The following AUTS2 variants were observed in gnomAD, a reference collection of about 807,000 sequenced individuals.
AUTS2 encodes the protein autism susceptibility gene 2 protein.
AUTS2 carries 17 observed loss-of-function variants against 112.4 expected under a neutral mutation model. The observed-to-expected ratio is 0.15, with a 90% CI of 0.10 to 0.23. AUTS2 has a LOEUF of 0.23. Ranked by LOEUF, AUTS2 falls within the 10% of genes least tolerant of loss-of-function variation. The probability of loss-of-function intolerance (pLI) is 1.00; values close to 1 mark genes in which losing one functional copy is unlikely to be tolerated. For synonymous variants in AUTS2, 751 were observed against 702.7 expected, an observed-to-expected ratio of 1.07 and a Z score of -1.09; for missense variants, 1,510 against 1,701.6, an observed-to-expected ratio of 0.89 and a Z score of 1.98.
chr7:70,065,784 CA>C (rs1802462094), intron 2 of AUTS2, among the ~76,000 whole-genome samples: 1 of 152,178 alleles, frequency 6.6e-6, no homozygotes, highest in African/African-American at 2.4e-5. Context: ...TAGCCTACAG[CA>C]GCCTGAAATT....
intron 4 of AUTS2, among the ~76,000 whole-genome samples, chr7:70,310,481 T>C (rs951330310): frequency 1.7e-4 from 26 of 151,744 alleles, no homozygotes; most frequent in South Asian, 4.2e-4. Flanking sequence ...GGCGTGGTGG[T>C]GGGCGCCTGT....
Position 70,297,415 on chromosome 7 carries a change from A to C in AUTS2, c.661-138337A>C, listed in dbSNP as rs371706111. 2.4e-4 allele frequency among the ~76,000 whole-genome samples: 36 copies of C among 151,624 alleles called. No homozygotes were observed. The East Asian group carries it at 5.8e-3, about 25-fold the overall frequency. ...GAAGTTAGAGCTCAAAATATTGTGAAGAGGAAGATAATTTTTTTTTTTTTT... is the reference window on the plus strand; with the variant it reads ...GAAGTTAGAGCTCAAAATATTGTGACGAGGAAGATAATTTTTTTTTTTTTT... On this transcript the variant is annotated intron_variant, in intron 4 of 18. Transcript: ENST00000342771.
intron 2 of AUTS2, among the ~76,000 whole-genome samples, chr7:70,089,812 C>T (rs1477783935): frequency 6.6e-6 from 1 of 151,712 alleles, no homozygotes; most frequent in Non-Finnish European, 1.5e-5. Context: ...AGTTCAAGGC[C>T]ACCCTGTCCA....
At chr7:69,753,907 C>T (rs933540801) in intron 1 of AUTS2, among the ~76,000 whole-genome samples, 5 of 152,114 alleles carry the variant, frequency 3.3e-5, no homozygotes, top group Admixed American at 6.6e-5. Flanking sequence ...AAGCTGGTGC[C>T]GAACATTGCT....
intron 4 of AUTS2, among the ~76,000 whole-genome samples, chr7:70,299,260 T>G (rs1043422886): frequency 2.6e-5 from 4 of 152,214 alleles, no homozygotes; most frequent in Non-Finnish European, 5.9e-5. Context: ...TTTGGGACAT[T>G]TAGGTCATCT....
At chr7:70,787,140 AAGT>A (rs752365411) in intron 17 of AUTS2, 66 bp from the exon 18 acceptor site, 28 of 1,462,856 alleles carry the variant, frequency 1.9e-5, no homozygotes, top group Non-Finnish European at 2.6e-5. Context: ...GTTTTTTGGT[AAGT>A]ACCTTCATTA....
chr7:70,452,871 T>C (rs1370807747), intron 5 of AUTS2, among the ~76,000 whole-genome samples: 1 of 152,252 alleles, frequency 6.6e-6, no homozygotes, highest in East Asian at 1.9e-4. Context: ...ATTTCACCCA[T>C]GTCCCCCTCC....
At chr7:69,951,713 C>A (rs1435006513) in intron 2 of AUTS2, among the ~76,000 whole-genome samples, 1 of 152,146 alleles carries the variant, frequency 6.6e-6, no homozygotes. Context: ...TTCATTGTTC[C>A]TGTGGGACTT....
rs915809102 is a variant in AUTS2, at chr7:70,066,084, A to C, written c.523-52048A>C. On this transcript the variant is annotated intron_variant, in intron 2 of 18. Transcript: ENST00000342771. ...ACTGATCTTTGCAATCTGTAGGACT[A>C]TTTGGTGCTACAATAATAAGAAATT... Among the ~76,000 whole-genome samples, 3 of 152,206 alleles carry C rather than the reference A, an allele frequency of 2.0e-5. No individual in the cohort carries two copies. In the South Asian group the frequency reaches 6.2e-4, roughly 32 times the overall value.
At chr7:69,763,197 C>G (rs1788268750) in intron 1 of AUTS2, among the ~76,000 whole-genome samples, 2 of 152,168 alleles carry the variant, frequency 1.3e-5, no homozygotes, top group Admixed American at 6.5e-5. Flanking sequence ...ATTGCCTCAG[C>G]ATAGTTGAAT....
intron 5 of AUTS2, among the ~76,000 whole-genome samples, chr7:70,511,061 C>G (rs897826451): frequency 6.6e-6 from 1 of 152,088 alleles, no homozygotes; most frequent in Non-Finnish European, 1.5e-5. Context: ...GTTGGTCAGG[C>G]TAGTCTGGAA....
chr7:70,049,432 T>C (rs1801650140), intron 2 of AUTS2, among the ~76,000 whole-genome samples: 1 of 151,712 alleles, frequency 6.6e-6, no homozygotes, highest in Non-Finnish European at 1.5e-5. Context: ...CAGGTTCAAG[T>C]GATTCTCCTG....
At chr7:69,861,873 A>T (rs1229429950) in intron 1 of AUTS2, among the ~76,000 whole-genome samples, 3 of 152,136 alleles carry the variant, frequency 2.0e-5, no homozygotes, top group African/African-American at 7.2e-5. Context: ...TGGCAGGATA[A>T]CTTGTTTAGA....
intron 2 of AUTS2, among the ~76,000 whole-genome samples, chr7:70,032,308 T>C (rs1468160365): frequency 6.6e-6 from 1 of 152,146 alleles, no homozygotes; most frequent in Non-Finnish European, 1.5e-5. Context: ...ATGGCAAGCA[T>C]TAATGAAACG....
At chr7:70,017,117 G>T in intron 2 of AUTS2, among the ~76,000 whole-genome samples, 1 of 152,160 alleles carries the variant, frequency 6.6e-6, no homozygotes. Context: ...TTGGCATTAG[G>T]CACCAATCTA....
chr7:69,683,371 T>C (rs1313938852), intron 1 of AUTS2, among the ~76,000 whole-genome samples: 1 of 152,198 alleles, frequency 6.6e-6, no homozygotes, highest in Admixed American at 6.5e-5. Context: ...CATTTGCATA[T>C]CAATGCTTGC....
chr7:69,753,650 G>A (rs1429849277), intron 1 of AUTS2, among the ~76,000 whole-genome samples: 2 of 152,206 alleles, frequency 1.3e-5, no homozygotes, highest in African/African-American at 2.4e-5. Context: ...AAACTATGTG[G>A]TGTGGTATTT....
At chr7:70,760,009 T>C (rs1482675565) in intron 6 of AUTS2, among the ~76,000 whole-genome samples, 1 of 143,410 alleles carries the variant, frequency 7.0e-6, no homozygotes, top group African/African-American at 2.6e-5. Flanking sequence ...TACAAAAAGA[T>C]TTTTTTTTTT....
chr7:70,114,543 A>G (rs1330133148), intron 2 of AUTS2, among the ~76,000 whole-genome samples: 2 of 152,212 alleles, frequency 1.3e-5, no homozygotes, highest in East Asian at 1.9e-4. Flanking sequence ...CTGTAATCCC[A>G]GCACTTTGGG....
Sources: allele counts gnomAD v4.1 joint callset (sites outside exome capture counted in the v4.1 genomes callset), GRCh38; gene constraint gnomAD v4.1.1; transcripts MANE v1.5; gene names NCBI Gene and HGNC (gene_info 2026-07-23, HGNC 2026-07-21).